Variants in EVL observed in about 807,000 individuals in gnomAD.
EVL encodes Enah/Vasp-like.
In EVL, 21 loss-of-function variants were observed where a neutral mutation model predicts 59.6. That is an observed-to-expected ratio of 0.35 (90% CI 0.25 to 0.51). The LOEUF is 0.51. EVL is among the 20% of genes least tolerant of loss of function. EVL has a pLI of 0.97. For missense variants in EVL, 462 were observed against 546.6 expected (o/e 0.85, Z 1.54); for synonymous variants, 198 against 203.5 (o/e 0.97, Z 0.23).
intron 1 of EVL, among the ~76,000 whole-genome samples, chr14:99,973,912 A>G (rs2060752520): frequency 6.6e-6 from 1 of 152,190 alleles, no homozygotes; most frequent in African/African-American, 2.4e-5. Flanking sequence ...CCATTTATTA[A>G]AAAGATAATC....
chr14:100,043,452 GGCCTGTGA>G (rs1566981178), intron 1 of EVL, among the ~76,000 whole-genome samples: 1 of 148,486 alleles, frequency 6.7e-6, no homozygotes, highest in African/African-American at 2.5e-5. Context: ...CAAGTCCAAA[GGCCTGTGA>G]GCCCAGGGTG....
chr14:99,993,419 A>G (rs1351131354), intron 1 of EVL, among the ~76,000 whole-genome samples: 1 of 152,052 alleles, frequency 6.6e-6, no homozygotes, highest in African/African-American at 2.4e-5. Context: ...GGACTCCTTC[A>G]TCGGTATTCA....
At chr14:100,008,411 TGAG>T (rs1437068779) in intron 1 of EVL, among the ~76,000 whole-genome samples, 1 of 152,320 alleles carries the variant, frequency 6.6e-6, no homozygotes, top group African/African-American at 2.4e-5. Context: ...TTGCTCAAAG[TGAG>T]GAGATCAGAC....
chr14:100,143,705 C>A lies in EVL; in HGVS notation c.1224C>A (p.Ile408=). 6.2e-7 allele frequency: 1 copy of A among 1,612,314 alleles called. No homozygotes were observed. Among genetic ancestry groups the A allele is most frequent in the Non-Finnish European group, 8.5e-7 (1 of 1,179,894 alleles). ...CCGCCGCCACCTGTCCCGCAGCCAT[C>A]AGGCAGGAGCTGAGTGGGATCAGCA... is the stretch of plus-strand genomic sequence containing the variant. The part of the protein sequence containing the change: ...HKVKEEIIDA[I]RQELSGISTT The change falls in exon 14 of 14, where the codon ATC becomes ATA. Residue 408 remains isoleucine, a synonymous_variant. Transcript: ENST00000392920.
intron 5 of EVL, 24 bp downstream of exon 5, chr14:100,126,795 C>T (rs770721493): frequency 6.2e-7 from 1 of 1,610,536 alleles, no homozygotes; most frequent in Non-Finnish European, 8.5e-7. Context: ...TCCCCTAGGG[C>T]CGACTCCCAT....
intron 3 of EVL, chr14:100,106,860 T>C (rs1401170354): frequency 2.5e-6 from 1 of 398,570 alleles, no homozygotes; most frequent in Non-Finnish European, 4.4e-6. Context: ...AGGAAGTTTG[T>C]ACTTGGCCCA....
chr14:100,092,705 A>C (rs1187644598), intron 2 of EVL, among the ~76,000 whole-genome samples: 1 of 152,232 alleles, frequency 6.6e-6, no homozygotes. Flanking sequence ...ATTACACTCC[A>C]GCCTGGGTGA....
intron 1 of EVL, among the ~76,000 whole-genome samples, chr14:100,025,133 A>G (rs1463092203): frequency 6.6e-6 from 1 of 152,116 alleles, no homozygotes; most frequent in Non-Finnish European, 1.5e-5. Flanking sequence ...TTTTTAAGAT[A>G]AGAAGTCAAA....
intron 4 of EVL, among the ~76,000 whole-genome samples, chr14:100,125,705 G>C (rs1290742529): frequency 6.6e-6 from 1 of 151,840 alleles, no homozygotes; most frequent in African/African-American, 2.4e-5. Context: ...ACAGGCGCGC[G>C]CCACCACACC....
chr14:100,141,090 G>A, intron 11 of EVL, 90 bp from the exon 12 acceptor site: 1 of 1,297,990 alleles, frequency 7.7e-7, no homozygotes. Flanking sequence ...AGGGGAGCAG[G>A]TGGGCCCAGC....
At chr14:100,106,155 G>T (rs535695430) in intron 3 of EVL, 3 of 152,336 alleles carry the variant, frequency 2.0e-5, no homozygotes, top group African/African-American at 7.2e-5. Flanking sequence ...CAATGTGCAG[G>T]ATCATCCTGC....
At chr14:100,063,023 A>G (rs1343288714), upstream of EVL, among the ~76,000 whole-genome samples, 1 of 152,248 alleles carries the variant, frequency 6.6e-6, no homozygotes, top group East Asian at 1.9e-4. Flanking sequence ...CACTTGAGCC[A>G]GGAGTTTGAG....
At chr14:99,971,951 C>G (rs1192652028) in exon 1 of EVL, 3 of 146,846 alleles carry the variant, frequency 2.0e-5, no homozygotes, top group African/African-American at 7.4e-5. Context: ...CCGCCGCGCC[C>G]GGGGCCGGCT....
intron 4 of EVL, among the ~76,000 whole-genome samples, chr14:100,125,253 TACACAC>T (rs34556561): frequency 0.084 from 10,041 of 119,486 alleles, 956 homozygotes; most frequent in African/African-American, 0.22. Context: ...AAGGCAGGAA[TACACAC>T]ACACACACAC....
intron 3 of EVL, among the ~76,000 whole-genome samples, chr14:100,104,632 C>G (rs562996475): frequency 6.6e-6 from 1 of 152,198 alleles, no homozygotes; most frequent in African/African-American, 2.4e-5. Context: ...TGCAAAGCTC[C>G]CGTTATGATG....
intron 7 of EVL, among the ~76,000 whole-genome samples, chr14:100,131,003 C>T (rs1408954686): frequency 2.0e-5 from 3 of 152,128 alleles, no homozygotes; most frequent in East Asian, 1.9e-4. Context: ...GAGGACGTCC[C>T]GTGCTGTAAG....
chr14:100,117,381 G>A (rs906748845), intron 3 of EVL, among the ~76,000 whole-genome samples: 7 of 151,792 alleles, frequency 4.6e-5, no homozygotes, highest in East Asian at 1.9e-4. Context: ...GCTCCGAGCC[G>A]CAGCTTCTCA....
At position 100,128,755 on chromosome 14, in the gene EVL, G is replaced by C; in HGVS notation, c.717+7G>C. ...GCTGAGAAGAGTCCAACGGGTAAGA[G>C]CTCCTGTGTGCGGGGTGGGAATGGG... On this transcript the variant is annotated splice_region_variant and intron_variant, in intron 6 of 13. Coordinates refer to ENST00000392920, the MANE Select transcript of EVL (RefSeq NM_016337.3). 6.2e-7 allele frequency: 1 copy of C among 1,601,734 alleles called. No homozygotes were observed. Among genetic ancestry groups the C allele is most frequent in the Non-Finnish European group, 8.5e-7 (1 of 1,178,872 alleles).
upstream of EVL, among the ~76,000 whole-genome samples, chr14:100,063,715 A>T (rs1481831296): frequency 6.6e-6 from 1 of 152,208 alleles, no homozygotes; most frequent in Non-Finnish European, 1.5e-5. Context: ...CCATGACCTA[A>T]TTGACATTCT....
Sources: gnomAD v4.1 joint callset for allele counts (sites outside exome capture counted in the v4.1 genomes callset) on GRCh38, gnomAD v4.1.1 for gene constraint, MANE v1.5 for transcripts, NCBI Gene and HGNC (gene_info 2026-07-23, HGNC 2026-07-21) for gene names.